Variants in SLIT3 observed in about 807,000 individuals in gnomAD.
The protein encoded by SLIT3 is slit homolog 3 protein.
A neutral mutation model predicts 184.0 loss-of-function variants in SLIT3; 68 were observed. The ratio of observed to expected loss-of-function variants is 0.37; its 90% CI spans 0.30 to 0.45. The LOEUF (loss-of-function observed/expected upper bound fraction) is 0.45, where lower values mean the gene tolerates loss of function less well. SLIT3 is among the 20% of genes least tolerant of loss of function. The probability of loss-of-function intolerance (pLI) is 1.00; values close to 1 mark genes in which losing one functional copy is unlikely to be tolerated. For missense variants in SLIT3, 1,707 were observed against 2,026.0 expected, an observed-to-expected ratio of 0.84 and a Z score of 3.02; for synonymous variants, 831 against 828.6, an observed-to-expected ratio of 1.00 and a Z score of -0.05.
intron 5 of SLIT3, among the ~76,000 whole-genome samples, chr5:168,861,206 A>C (rs1017820911): frequency 8.5e-5 from 13 of 152,256 alleles, no homozygotes; most frequent in Admixed American, 2.0e-4. Flanking sequence ...TGCTGCACCC[A>C]TTAACTCGTC....
chr5:168,898,726 T>A (rs61133880), intron 4 of SLIT3, among the ~76,000 whole-genome samples: 10,190 of 152,260 alleles, frequency 0.067, 690 homozygotes, highest in East Asian at 0.32. Context: ...TAATGGGGCC[T>A]ATAATGGCTT....
intron 1 of SLIT3, among the ~76,000 whole-genome samples, chr5:169,252,818 A>T (rs1765821179): frequency 6.6e-6 from 1 of 152,204 alleles, no homozygotes; most frequent in Admixed American, 6.5e-5. Context: ...GTTGCATAAA[A>T]TGAACAGGAA....
At chr5:168,782,148 C>G (rs529193438) in intron 12 of SLIT3, among the ~76,000 whole-genome samples, 5 of 152,228 alleles carry the variant, frequency 3.3e-5, no homozygotes, top group Non-Finnish European at 7.4e-5. Flanking sequence ...TGGCAAACTC[C>G]GAGAGCCTCA....
chr5:168,732,126 T>A (rs1763307336), intron 20 of SLIT3, among the ~76,000 whole-genome samples: 1 of 152,126 alleles, frequency 6.6e-6, no homozygotes, highest in African/African-American at 2.4e-5. Flanking sequence ...TGTTTAGAAA[T>A]TAGTAGCATT....
At chr5:168,936,572 C>T (rs1437932807) in intron 4 of SLIT3, among the ~76,000 whole-genome samples, 1 of 152,104 alleles carries the variant, frequency 6.6e-6, no homozygotes, top group Non-Finnish European at 1.5e-5. Flanking sequence ...AGAGACCTCC[C>T]AAGCAACAGT....
intron 4 of SLIT3, among the ~76,000 whole-genome samples, chr5:168,953,237 G>A (rs755978622): frequency 4.6e-5 from 7 of 152,160 alleles, no homozygotes; most frequent in East Asian, 1.9e-4. Context: ...CTTCTTCCAC[G>A]CCCATGGCTG....
At chr5:169,098,143 G>T (rs1290016382) in intron 4 of SLIT3, among the ~76,000 whole-genome samples, 1 of 151,946 alleles carries the variant, frequency 6.6e-6, no homozygotes, top group Admixed American at 6.6e-5. Context: ...TGGAAAGCAG[G>T]CTTCTTCTCA....
chr5:169,135,573 C>G lies in SLIT3; in HGVS notation c.413+57906G>C, dbSNP rs180758338. On this transcript the variant is annotated intron_variant, in intron 4 of 35. Coordinates refer to ENST00000519560, the MANE Select transcript of SLIT3 (RefSeq NM_003062.4). ...CCTCACCATCAGTCATGCCTTTTATCAGTGGTAGTGAGGACAAGTATTGTT... is the reference window on the plus strand; with the variant it reads ...CCTCACCATCAGTCATGCCTTTTATGAGTGGTAGTGAGGACAAGTATTGTT... 9.0e-4 allele frequency among the ~76,000 whole-genome samples: 137 copies of G among 152,322 alleles called. 1 individual carries two copies. The highest frequency in any genetic ancestry group is 3.2e-3 in the African/African-American group (131 of 41,552).
At chr5:168,736,142 G>T (rs1276874112) in intron 20 of SLIT3, among the ~76,000 whole-genome samples, 1 of 152,130 alleles carries the variant, frequency 6.6e-6, no homozygotes, top group African/African-American at 2.4e-5. Flanking sequence ...GATCTTATCT[G>T]TCATGGTAGC....
At chr5:169,156,431 A>T (rs1762307446) in intron 4 of SLIT3, among the ~76,000 whole-genome samples, 1 of 152,122 alleles carries the variant, frequency 6.6e-6, no homozygotes, top group Admixed American at 6.5e-5. Flanking sequence ...TGACAAGTGA[A>T]CTCTCAGCCT....
intron 1 of SLIT3, among the ~76,000 whole-genome samples, chr5:169,298,789 T>C (rs76097024): frequency 3.2e-3 from 495 of 152,308 alleles, no homozygotes; most frequent in Non-Finnish European, 5.6e-3. Flanking sequence ...ACAAGATGGC[T>C]TAACTGTGAA....
At chr5:169,145,863 C>T (rs182635202) in intron 4 of SLIT3, among the ~76,000 whole-genome samples, 75 of 152,320 alleles carry the variant, frequency 4.9e-4, no homozygotes, top group Admixed American at 2.7e-3. Flanking sequence ...GCCTGGCCAA[C>T]ATGGTGAAAC....
At chr5:169,212,924 TG>T (rs1764314494) in intron 3 of SLIT3, among the ~76,000 whole-genome samples, 1 of 152,192 alleles carries the variant, frequency 6.6e-6, no homozygotes, top group Non-Finnish European at 1.5e-5. Context: ...TGCTTGTCTT[TG>T]TTAGGTTTGT....
intron 33 of SLIT3, among the ~76,000 whole-genome samples, chr5:168,671,825 C>A (rs1250535560): frequency 2.0e-5 from 3 of 152,164 alleles, no homozygotes; most frequent in Non-Finnish European, 4.4e-5. Flanking sequence ...CCGTTCCCCC[C>A]AATAGGCAAG....
At chr5:168,719,503 T>C (rs1168803118) in intron 23 of SLIT3, among the ~76,000 whole-genome samples, 1 of 152,212 alleles carries the variant, frequency 6.6e-6, no homozygotes. Flanking sequence ...ACAAGTTAGG[T>C]TTATTTCTCC....
chr5:169,039,102 GGTTA>G (rs1182215868), intron 4 of SLIT3, among the ~76,000 whole-genome samples: 3 of 152,026 alleles, frequency 2.0e-5, no homozygotes, highest in South Asian at 2.1e-4. Context: ...ACAACGTGCA[GGTTA>G]GTTACATATG....
In SLIT3 at chr5:168,707,957, G is replaced by C. The variant is rs200672404; in HGVS notation, c.2844+19C>G. 29 of 1,613,956 alleles carry C rather than the reference G, an allele frequency of 1.8e-5. No homozygotes were observed. The highest frequency in any genetic ancestry group is 3.3e-4 in the Middle Eastern group (2 of 6,036). ...GGAGCCTGAGGCATGAACACGGGGG[G>C]GCAGGGCCTCCAGCATACCTTGTAG... On this transcript the variant is annotated intron_variant, in intron 26 of 35. Coordinates refer to ENST00000519560, the MANE Select transcript of SLIT3 (RefSeq NM_003062.4).
chr5:169,197,294 G>A (rs297844), intron 3 of SLIT3, among the ~76,000 whole-genome samples: 5,237 of 152,150 alleles, frequency 0.034, 326 homozygotes, highest in African/African-American at 0.12. Context: ...CGAGCAGGTC[G>A]CCTGCTGGTT....
At position 168,700,105 on chromosome 5, in the gene SLIT3, T is replaced by C. The variant is rs562501809; in HGVS notation, c.2942+477A>G. ...CAGGGTGCGAAGAGCCTTGAGATCA[T>C]TCTCATACAGGGCCAGCACAGCACG... On this transcript the variant is annotated intron_variant, in intron 27 of 35. Coordinates refer to ENST00000519560, the MANE Select transcript of SLIT3 (RefSeq NM_003062.4). 2.0e-5 allele frequency among the ~76,000 whole-genome samples: 3 copies of C among 152,346 alleles called. No homozygotes were observed. In the South Asian group the frequency reaches 6.2e-4, roughly 32 times the overall value.
Sources: allele counts gnomAD v4.1 joint callset (sites outside exome capture counted in the v4.1 genomes callset), GRCh38; gene constraint gnomAD v4.1.1; transcripts MANE v1.5; gene names NCBI Gene and HGNC (gene_info 2026-07-23, HGNC 2026-07-21).